The following CLASP1 variants were observed in gnomAD, a reference collection of about 807,000 sequenced individuals.
The protein encoded by CLASP1 is cytoplasmic linker associated protein 1, also known as CLIP-associating protein 1.
Under a neutral mutation model 192.3 loss-of-function variants are expected in CLASP1, and 38 were observed. The ratio of observed to expected loss-of-function variants is 0.20; its 90% CI spans 0.15 to 0.26. The LOEUF is 0.26. CLASP1 is among the 10% of genes least tolerant of loss of function. The pLI, the probability that CLASP1 is intolerant of heterozygous loss-of-function variation, is 1.00. For missense variants in CLASP1, 1,433 were observed against 1,932.5 expected (o/e 0.74, Z 4.85); for synonymous variants, 691 against 712.8 (o/e 0.97, Z 0.49).
chr2:121,543,669 A>G (rs1235081246), intron 2 of CLASP1, among the ~76,000 whole-genome samples: 1 of 152,134 alleles, frequency 6.6e-6, no homozygotes, highest in Admixed American at 6.5e-5. Flanking sequence ...AGACAGTTCC[A>G]GCTAGCCCCC....
intron 34 of CLASP1, among the ~76,000 whole-genome samples, chr2:121,368,862 C>T (rs1373387951): frequency 6.6e-6 from 1 of 152,194 alleles, no homozygotes; most frequent in East Asian, 1.9e-4. Flanking sequence ...TCCTAACATA[C>T]CATTTTTGAT....
At chr2:121,605,614 G>A in intron 2 of CLASP1, 87 bp downstream of exon 2, 1 of 899,566 alleles carries the variant, frequency 1.1e-6, no homozygotes, top group Admixed American at 2.0e-5. Flanking sequence ...CATGCTGACT[G>A]CTCACAAGGG....
chr2:121,483,219 T>A (rs1325434045), intron 8 of CLASP1, among the ~76,000 whole-genome samples: 1 of 152,182 alleles, frequency 6.6e-6, no homozygotes, highest in Non-Finnish European at 1.5e-5. Context: ...AGTCTGTGAA[T>A]CACCTCACTA....
intron 22 of CLASP1, among the ~76,000 whole-genome samples, chr2:121,422,110 T>C (rs182581162): frequency 6.6e-6 from 1 of 152,322 alleles, no homozygotes; most frequent in East Asian, 1.9e-4. Flanking sequence ...ACCCATTTGA[T>C]TGGTTTACAT....
chr2:121,349,733 C>T (rs76909701), intron 37 of CLASP1, among the ~76,000 whole-genome samples: 1 of 152,176 alleles, frequency 6.6e-6, no homozygotes, highest in Non-Finnish European at 1.5e-5. Context: ...TAGGGAGGTA[C>T]ATGAAATGGC....
chr2:121,380,007 G>A (rs1264745456), intron 33 of CLASP1, among the ~76,000 whole-genome samples: 2 of 152,180 alleles, frequency 1.3e-5, no homozygotes, highest in Admixed American at 1.3e-4. Flanking sequence ...ACTAGCCTGG[G>A]GTTTGAAGTA....
chr2:121,601,139 C>T (rs1346769323), intron 2 of CLASP1, among the ~76,000 whole-genome samples: 1 of 152,118 alleles, frequency 6.6e-6, no homozygotes, highest in Non-Finnish European at 1.5e-5. Context: ...ACTCTTAAGT[C>T]AGAAGCATCC....
intron 32 of CLASP1, 59 bp downstream of exon 33, chr2:121,387,063 A>G: frequency 1.5e-6 from 2 of 1,335,680 alleles, no homozygotes; most frequent in Non-Finnish European, 2.1e-6. Flanking sequence ...AATAGGATGC[A>G]CAGCAATTAA....
intron 1 of CLASP1, among the ~76,000 whole-genome samples, chr2:121,618,653 AATGT>A (rs2066843190): frequency 6.6e-6 from 1 of 150,780 alleles, no homozygotes; most frequent in South Asian, 2.1e-4. Flanking sequence ...ATGCATTATG[AATGT>A]ATTATGAATT....
chr2:121,515,238 G>C (rs1296604676), intron 7 of CLASP1, among the ~76,000 whole-genome samples: 1 of 152,172 alleles, frequency 6.6e-6, no homozygotes, highest in Admixed American at 6.5e-5. Flanking sequence ...TTTAAAACAT[G>C]ATTTCCAAAA....
chr2:121,524,988 G>T lies in CLASP1; in HGVS notation c.546+857C>A, dbSNP rs144033594. 4.9e-3 allele frequency among the ~76,000 whole-genome samples: 748 copies of T among 152,274 alleles called. 8 individuals are homozygous for T. The highest frequency in any genetic ancestry group is 0.017 in the African/African-American group (725 of 41,542). ...GACTCAGGGGAGCTAGAGGCCAGGGGAGGTCGGGTAGAAGGCCAGCCTGAT... is the reference window on the plus strand; with the variant it reads ...GACTCAGGGGAGCTAGAGGCCAGGGTAGGTCGGGTAGAAGGCCAGCCTGAT... On this transcript the variant is annotated intron_variant, in intron 6 of 39. Coordinates refer to ENST00000263710, the Ensembl canonical transcript of CLASP1.
intron 29 of CLASP1, 111 bp downstream of exon 30, chr2:121,398,211 G>T: frequency 2.6e-6 from 2 of 766,472 alleles, no homozygotes; most frequent in Non-Finnish European, 4.3e-6. Flanking sequence ...AAACAAGAAT[G>T]CTCACAGCAG....
intron 34 of CLASP1, among the ~76,000 whole-genome samples, chr2:121,372,374 T>TC (rs1242650935): frequency 2.0e-5 from 3 of 152,216 alleles, no homozygotes; most frequent in African/African-American, 7.2e-5. Context: ...CCTTATCCTT[T>TC]ACCTGGTGAT....
At chr2:121,442,273 A>G (rs933901601) in intron 19 of CLASP1, among the ~76,000 whole-genome samples, 1 of 152,228 alleles carries the variant, frequency 6.6e-6, no homozygotes, top group Non-Finnish European at 1.5e-5. Context: ...ATTACTGAAC[A>G]TAACATACTG....
chr2:121,590,537 C>G (rs1389645633), intron 2 of CLASP1, among the ~76,000 whole-genome samples: 1 of 152,162 alleles, frequency 6.6e-6, no homozygotes, highest in Non-Finnish European at 1.5e-5. Flanking sequence ...TCTAAATATT[C>G]TTTCCATCTT....
intron 8 of CLASP1, among the ~76,000 whole-genome samples, chr2:121,494,603 A>G (rs2093450774): frequency 6.6e-6 from 1 of 152,220 alleles, no homozygotes; most frequent in South Asian, 2.1e-4. Flanking sequence ...GTATAACTGG[A>G]ATGTTTGCAA....
chr2:121,469,867 T>C, exon 9 of CLASP1: 1 of 1,613,842 alleles, frequency 6.2e-7, no homozygotes, highest in Middle Eastern at 1.6e-4. Flanking sequence ...CATTCCAACG[T>C]TTCTCCGAGA....
intron 8 of CLASP1, among the ~76,000 whole-genome samples, chr2:121,479,700 G>T (rs1480793550): frequency 6.6e-6 from 1 of 152,136 alleles, no homozygotes; most frequent in African/African-American, 2.4e-5. Context: ...TATGGGAACT[G>T]GGGTACACGT....
chr2:121,531,639 G>T lies in CLASP1; in HGVS notation c.196-1314C>A, dbSNP rs538487973. Among the ~76,000 whole-genome samples, 305 of 151,116 alleles carry T rather than the reference G, an allele frequency of 2.0e-3. 1 individual carries two copies. The highest frequency in any genetic ancestry group is 5.9e-3 in the African/African-American group (242 of 40,940). On this transcript the variant is annotated intron_variant, in intron 2 of 39. Transcript: ENST00000263710. The stretch of plus-strand genomic sequence containing the variant: ...AATCCCAGCACTTGGGGAGGCCGAG[G>T]CGGGCGGATCAGGAGCTCAGGAGAT...
Sources: gnomAD v4.1 joint callset for allele counts (sites outside exome capture counted in the v4.1 genomes callset) on GRCh38, gnomAD v4.1.1 for gene constraint, MANE v1.5 for transcripts, NCBI Gene and HGNC (gene_info 2026-07-23, HGNC 2026-07-21) for gene names.